Variants in CREM observed in about 807,000 individuals in gnomAD.
CREM encodes cAMP-responsive element modulator.
CREM carries 13 observed loss-of-function variants against 37.3 expected under a neutral mutation model. That is an observed-to-expected ratio of 0.35 (90% CI 0.23 to 0.55). The LOEUF (loss-of-function observed/expected upper bound fraction) is 0.55, where lower values mean the gene tolerates loss of function less well. Among genes scored for constraint, CREM ranks in the 20% least tolerant of loss-of-function variants. The pLI, the probability that CREM is intolerant of heterozygous loss-of-function variation, is 0.88. For synonymous variants in CREM, 124 were observed against 120.2 expected (o/e 1.03, Z -0.21); for missense variants, 296 against 362.3 (o/e 0.82, Z 1.49).
In CREM at chr10:35,175,315, G is replaced by A. The variant is rs190155680; in HGVS notation, c.169-3574G>A. Among the ~76,000 whole-genome samples the A allele has an allele frequency of 7.2e-5, 11 of 152,186 alleles. No homozygotes were observed. In the East Asian group the frequency reaches 9.7e-4, roughly 13 times the overall value. On this transcript the variant is annotated intron_variant, in intron 3 of 7. Transcript: ENST00000685392. Reference sequence around the variant, plus strand: ...CAAACAATTAGCTGAGCGTGGTGGCGGGCACCTGTAGTCCCAGCTACTCAG... The same window carrying A: ...CAAACAATTAGCTGAGCGTGGTGGCAGGCACCTGTAGTCCCAGCTACTCAG...
At chr10:35,166,719 ACT>A (rs2093573941) in intron 3 of CREM, among the ~76,000 whole-genome samples, 1 of 152,146 alleles carries the variant, frequency 6.6e-6, no homozygotes, top group Non-Finnish European at 1.5e-5. Context: ...ACAGAGCTGA[ACT>A]CTGTCTCCAA....
At chr10:35,149,265 T>C (rs1220040196) in intron 3 of CREM, among the ~76,000 whole-genome samples, 14 of 152,092 alleles carry the variant, frequency 9.2e-5, no homozygotes, top group Non-Finnish European at 1.8e-4. Context: ...GCCAGGTTGA[T>C]AAGGTGAGGA....
chr10:35,190,332 G>T (rs2094856174), intron 6 of CREM, among the ~76,000 whole-genome samples: 1 of 152,072 alleles, frequency 6.6e-6, no homozygotes, highest in African/African-American at 2.4e-5. Flanking sequence ...ATAGTATTTG[G>T]TGGGAATTCA....
At chr10:35,186,351 T>C (rs913678285) in intron 5 of CREM, among the ~76,000 whole-genome samples, 1 of 152,098 alleles carries the variant, frequency 6.6e-6, no homozygotes, top group African/African-American at 2.4e-5. Context: ...TCAATTAATA[T>C]GTTAACTTTT....
chr10:35,206,706 T>C (rs1444017321), intron 6 of CREM, among the ~76,000 whole-genome samples, 189 bp from the exon 7 acceptor site: 1 of 152,238 alleles, frequency 6.6e-6, no homozygotes, highest in East Asian at 1.9e-4. Context: ...ATGCTAAATA[T>C]CATTGTTCTA....
chr10:35,147,782 G>A (rs935695107), intron 2 of CREM, among the ~76,000 whole-genome samples: 3 of 152,132 alleles, frequency 2.0e-5, no homozygotes, highest in African/African-American at 4.8e-5. Context: ...GACTTTATAC[G>A]TTTTAAAATA....
At chr10:35,141,314 TAA>T (rs2091395313) in intron 2 of CREM, among the ~76,000 whole-genome samples, 1 of 152,238 alleles carries the variant, frequency 6.6e-6, no homozygotes, top group Non-Finnish European at 1.5e-5. Flanking sequence ...TGAAGAGTTT[TAA>T]GCAAAGAAGT....
At chr10:35,178,341 C>T (rs1043589676) in intron 3 of CREM, among the ~76,000 whole-genome samples, 5 of 152,336 alleles carry the variant, frequency 3.3e-5, no homozygotes, top group Middle Eastern at 6.8e-3. Flanking sequence ...CCCTAACTTA[C>T]TCCTTGTAAT....
intron 2 of CREM, 57 bp from the exon 3 acceptor site, chr10:35,148,311 A>AT (rs34879823): frequency 0.17 from 258,627 of 1,528,756 alleles, 22,867 homozygotes; most frequent in East Asian, 0.21. Context: ...TTCAACCTGT[A>AT]TTTCCAAATA....
At chr10:35,197,588 G>A (rs1298553473) in intron 6 of CREM, among the ~76,000 whole-genome samples, 1 of 152,058 alleles carries the variant, frequency 6.6e-6, no homozygotes, top group Non-Finnish European at 1.5e-5. Context: ...GAGTAGCTGG[G>A]ACTACAGGTG....
chr10:35,128,688 G>A (rs1202823051), intron 1 of CREM, among the ~76,000 whole-genome samples: 1 of 151,950 alleles, frequency 6.6e-6, no homozygotes, highest in Non-Finnish European at 1.5e-5. Flanking sequence ...ACCACGCCTG[G>A]CTAATTTTTT....
chr10:35,132,626 G>A (rs566961911), intron 1 of CREM, among the ~76,000 whole-genome samples: 3 of 152,266 alleles, frequency 2.0e-5, no homozygotes, highest in Admixed American at 1.3e-4. Flanking sequence ...ACATGAAAGC[G>A]TAAAGATTAT....
intron 3 of CREM, among the ~76,000 whole-genome samples, chr10:35,161,624 C>G (rs2093301001): frequency 6.6e-6 from 1 of 151,492 alleles, no homozygotes; most frequent in African/African-American, 2.4e-5. Context: ...GATCACACCA[C>G]TGCACTCCAG....
intron 3 of CREM, among the ~76,000 whole-genome samples, chr10:35,170,736 C>T (rs1239969632): frequency 1.3e-5 from 2 of 152,052 alleles, no homozygotes; most frequent in Admixed American, 6.6e-5. Flanking sequence ...TCTGTGGGGT[C>T]GGTGGTGATA....
intron 7 of CREM, among the ~76,000 whole-genome samples, chr10:35,207,601 C>T (rs886099015): frequency 6.6e-6 from 1 of 152,146 alleles, no homozygotes; most frequent in Admixed American, 6.5e-5. Flanking sequence ...TGACGAAACC[C>T]TGTCTCTACT....
intron 1 of CREM, among the ~76,000 whole-genome samples, chr10:35,133,308 A>ATT (rs34244298): frequency 3.5e-5 from 5 of 143,314 alleles, no homozygotes; most frequent in East Asian, 2.0e-4. Flanking sequence ...CCAAAAGCAG[A>ATT]TTTTTTTTTT....
At chr10:35,180,043 C>CT (rs2094288180) in intron 5 of CREM, among the ~76,000 whole-genome samples, 1 of 152,088 alleles carries the variant, frequency 6.6e-6, no homozygotes, top group Non-Finnish European at 1.5e-5. Flanking sequence ...TATTCCTGTC[C>CT]TTTCTGAAGT....
chr10:35,211,473 T>C lies in CREM; in HGVS notation c.*75T>C. On this transcript the variant is annotated 3_prime_UTR_variant, in exon 8 of 8. Coordinates refer to ENST00000685392, the MANE Select transcript of CREM (RefSeq NM_183011.2). The stretch of plus-strand genomic sequence containing the variant: ...CAGTCCTACTTATTGCCATGTGGAC[T>C]TGTGGGAAGGACACGTGTGACCCTT... The C allele has an allele frequency of 1.3e-6, 2 of 1,554,466 alleles. No individual in the cohort carries two copies. The highest frequency in any genetic ancestry group is 1.7e-6 in the Non-Finnish European group (2 of 1,147,652).
At chr10:35,149,543 G>A (rs915203659) in intron 3 of CREM, among the ~76,000 whole-genome samples, 5 of 152,098 alleles carry the variant, frequency 3.3e-5, no homozygotes, top group South Asian at 4.1e-4. Flanking sequence ...TCAGTGAGTC[G>A]GAACTGAAGA....
Sources: allele counts gnomAD v4.1 joint callset (sites outside exome capture counted in the v4.1 genomes callset), GRCh38; gene constraint gnomAD v4.1.1; transcripts MANE v1.5; gene names NCBI Gene and HGNC (gene_info 2026-07-23, HGNC 2026-07-21).